TBXAS1: variants seen among roughly 807,000 people sequenced by gnomAD.
The protein encoded by TBXAS1 is thromboxane A synthase 1, also known as thromboxane-A synthase.
TBXAS1 carries 48 observed loss-of-function variants against 60.7 expected under a neutral mutation model. The observed-to-expected ratio is 0.79, with a 90% confidence interval of 0.63 to 1.01. The LOEUF (loss-of-function observed/expected upper bound fraction) is 1.01, where lower values mean the gene tolerates loss of function less well. TBXAS1 is among the 50% of genes least tolerant of loss of function. The probability of loss-of-function intolerance (pLI) is 0.00; values close to 1 mark genes in which losing one functional copy is unlikely to be tolerated. For missense variants in TBXAS1, 685 were observed against 686.3 expected, an observed-to-expected ratio of 1.00 and a Z score of 0.02; for synonymous variants, 287 against 269.7, an observed-to-expected ratio of 1.06 and a Z score of -0.63.
At chr7:139,993,425 G>A (rs973157478) in intron 9 of TBXAS1, among the ~76,000 whole-genome samples, 2 of 152,272 alleles carry the variant, frequency 1.3e-5, no homozygotes, top group African/African-American at 2.4e-5. Context: ...CCCTGAGGCC[G>A]GAGAAATCAA....
chr7:139,926,402 C>A (rs1216337352), intron 4 of TBXAS1, among the ~76,000 whole-genome samples: 2 of 152,054 alleles, frequency 1.3e-5, no homozygotes, highest in Non-Finnish European at 2.9e-5. Context: ...GAATTTATTT[C>A]TTCTAGATTT....
rs992504122 is a variant in TBXAS1 at position 139,778,757 on chromosome 7, C to G, written c.-318+286C>G. 4.6e-5 allele frequency among the ~76,000 whole-genome samples: 7 copies of G among 152,304 alleles called. No individual in the cohort carries two copies. In the East Asian group the frequency reaches 1.2e-3, roughly 25 times the overall value. The stretch of plus-strand genomic sequence containing the variant: ...CTGGGTCCTCGCTTTTCTCAGCGCT[C>G]TCTCCTATCAGGGCTTCCGCTAAAC... On this transcript the variant is annotated intron_variant, in intron 1 of 16. Coordinates refer to the TBXAS1 transcript ENST00000336425. The surrounding 1 kb of genome is among the most constrained non-coding windows in gnomAD (Gnocchi z 4.8).
intron 5 of TBXAS1, chr7:139,952,469 G>A: frequency 7.0e-7 from 1 of 1,428,656 alleles, no homozygotes; most frequent in Non-Finnish European, 9.3e-7. Flanking sequence ...TGCTCAGAAT[G>A]ATGTATTAGA....
At chr7:139,967,878 C>A (rs376959625) in intron 9 of TBXAS1, among the ~76,000 whole-genome samples, 1 of 152,160 alleles carries the variant, frequency 6.6e-6, no homozygotes, top group Non-Finnish European at 1.5e-5. Context: ...TTCACCTTCC[C>A]TCTGAACTTT....
chr7:139,865,605 AGAGGAGGAGGAGGAAGAG>A (rs1801295619), intron 1 of TBXAS1, among the ~76,000 whole-genome samples: 1 of 50,312 alleles, frequency 2.0e-5, no homozygotes, highest in Non-Finnish European at 4.2e-5. Context: ...AGGAGGAGGA[AGAGGAGGAGGAGGAAGAG>A]GAGGAGGAGG....
intron 10 of TBXAS1, among the ~76,000 whole-genome samples, chr7:140,012,130 G>T (rs945367585): frequency 6.6e-6 from 1 of 152,214 alleles, no homozygotes; most frequent in Admixed American, 6.5e-5. Flanking sequence ...CGTTGGGAGG[G>T]TATCTCGAGG....
chr7:139,855,838 T>G (rs1031287124), intron 1 of TBXAS1, among the ~76,000 whole-genome samples: 1 of 152,200 alleles, frequency 6.6e-6, no homozygotes, highest in Admixed American at 6.5e-5. Flanking sequence ...CTTCTTGAAC[T>G]TGAGAAGTTT....
At chr7:139,943,962 T>G (rs555261654) in intron 5 of TBXAS1, among the ~76,000 whole-genome samples, 1 of 152,106 alleles carries the variant, frequency 6.6e-6, no homozygotes, top group Non-Finnish European at 1.5e-5. Flanking sequence ...TCCTCTGACA[T>G]CAGCCCCAAA....
intron 3 of TBXAS1, among the ~76,000 whole-genome samples, chr7:139,900,287 T>G (rs1161674658): frequency 2.6e-5 from 4 of 152,222 alleles, no homozygotes; most frequent in Non-Finnish European, 5.9e-5. Context: ...ACTCCCATAT[T>G]TCAGCCATGG....
Position 140,015,773 on chromosome 7 carries a change from C to T in TBXAS1, c.1277C>T (p.Pro426Leu). The change falls in exon 11 of 13, where the codon CCC (proline) becomes CTC (leucine). Residue 426 changes from proline to leucine, a missense_variant. Physicochemically the swap from Pro to Leu is moderately conservative, Grantham distance 98. Transcript: ENST00000448866. Reference sequence around the variant, plus strand: ...TGCGAGGTGCTGGGGCAGCGCATCCCCGCAGGCGCTGTGCTAGAGATGGCC... The same window carrying T: ...TGCGAGGTGCTGGGGCAGCGCATCCTCGCAGGCGCTGTGCTAGAGATGGCC... ...QDCEVLGQRI[P>L]AGAVLEMAVG... 6.2e-7 allele frequency: 1 copy of T among 1,613,636 alleles called. No individual in the cohort carries two copies. The highest frequency in any genetic ancestry group is 1.1e-5 in the South Asian group (1 of 91,090).
chr7:139,888,562 T>C (rs1803295114), intron 3 of TBXAS1, among the ~76,000 whole-genome samples: 1 of 152,200 alleles, frequency 6.6e-6, no homozygotes, highest in Non-Finnish European at 1.5e-5. Context: ...TTCATGACTG[T>C]TCATGACATA....
chr7:139,981,260 A>ACCCATGC (rs1811956515), intron 9 of TBXAS1, among the ~76,000 whole-genome samples: 1 of 152,030 alleles, frequency 6.6e-6, no homozygotes. Flanking sequence ...GGCTTGTACC[A>ACCCATGC]CCCATGCCCC....
intron 4 of TBXAS1, among the ~76,000 whole-genome samples, chr7:139,793,802 A>G (rs1797465890): frequency 6.6e-6 from 1 of 152,240 alleles, no homozygotes; most frequent in South Asian, 2.1e-4. Flanking sequence ...ATTCAGAGTG[A>G]AAATAAGCCA....
intron 3 of TBXAS1, among the ~76,000 whole-genome samples, chr7:139,893,315 C>A (rs1032579943): frequency 7.4e-6 from 1 of 134,894 alleles, no homozygotes; most frequent in African/African-American, 2.7e-5. Flanking sequence ...TGCACATATT[C>A]TATGGAATAG....
intron 5 of TBXAS1, among the ~76,000 whole-genome samples, chr7:139,939,698 A>G (rs1808125550): frequency 1.3e-5 from 2 of 152,020 alleles, no homozygotes; most frequent in East Asian, 3.9e-4. Context: ...CAAAACACAG[A>G]GACGTGTAGC....
intron 1 of TBXAS1, among the ~76,000 whole-genome samples, chr7:139,860,983 G>C (rs1800919265): frequency 6.6e-6 from 1 of 152,144 alleles, no homozygotes; most frequent in Admixed American, 6.5e-5. Context: ...AGACCAGCCT[G>C]GTTAATATGG....
At chr7:139,972,090 C>T (rs1811244384) in intron 9 of TBXAS1, among the ~76,000 whole-genome samples, 1 of 152,166 alleles carries the variant, frequency 6.6e-6, no homozygotes, top group South Asian at 2.1e-4. Flanking sequence ...GGCTGCCTGG[C>T]TTCATCAACT....
intron 3 of TBXAS1, among the ~76,000 whole-genome samples, chr7:139,882,757 C>T (rs1407815755): frequency 6.6e-6 from 1 of 152,206 alleles, no homozygotes; most frequent in African/African-American, 2.4e-5. Context: ...TTGGTGAAAG[C>T]TGGCTTTCAT....
At chr7:139,816,723 C>A (rs73478015) in intron 4 of TBXAS1, among the ~76,000 whole-genome samples, 1 of 152,148 alleles carries the variant, frequency 6.6e-6, no homozygotes, top group Non-Finnish European at 1.5e-5. Context: ...CAGGTGATTC[C>A]GATATTTGCT....
Sources: gnomAD v4.1 joint callset for allele counts (sites outside exome capture counted in the v4.1 genomes callset) on GRCh38, gnomAD v4.1.1 for gene constraint, Gnocchi (gnomAD v3.1) non-coding constraint, MANE v1.5 for transcripts, NCBI Gene and HGNC (gene_info 2026-07-23, HGNC 2026-07-21) for gene names.